TMPRSS15: variants seen among roughly 807,000 people sequenced by gnomAD.
The protein encoded by TMPRSS15 is transmembrane serine protease 15.
In TMPRSS15, 128 loss-of-function variants were observed where a neutral mutation model predicts 125.3. The observed-to-expected ratio is 1.02, with a 90% CI of 0.89 to 1.18. The LOEUF (loss-of-function observed/expected upper bound fraction) is 1.18, where lower values mean the gene tolerates loss of function less well. TMPRSS15 is among the 50% of genes most tolerant of loss of function. The probability of loss-of-function intolerance (pLI) is 0.00; values close to 1 mark genes in which losing one functional copy is unlikely to be tolerated. For missense variants in TMPRSS15, 1,283 were observed against 1,212.7 expected, an observed-to-expected ratio of 1.06 and a Z score of -0.86; for synonymous variants, 446 against 423.2, an observed-to-expected ratio of 1.05 and a Z score of -0.66.
At chr21:18,469,346 T>C (rs1978732646) in intron 1 of TMPRSS15, among the ~76,000 whole-genome samples, 1 of 152,168 alleles carries the variant, frequency 6.6e-6, no homozygotes, top group Admixed American at 6.6e-5. Context: ...ATGTGTTCCA[T>C]TTTAGAATTT....
At chr21:18,476,916 T>TA (rs1978889456) in intron 1 of TMPRSS15, among the ~76,000 whole-genome samples, 1 of 152,004 alleles carries the variant, frequency 6.6e-6, no homozygotes, top group African/African-American at 2.4e-5. Flanking sequence ...TTTTTTTTTT[T>TA]ATTCCAATAA....
intron 13 of TMPRSS15, among the ~76,000 whole-genome samples, chr21:18,332,458 G>A (rs1274149329): frequency 6.6e-6 from 1 of 151,996 alleles, no homozygotes; most frequent in Non-Finnish European, 1.5e-5. Context: ...ACTTTTTTGT[G>A]GGGTTGTTTA....
intron 18 of TMPRSS15, among the ~76,000 whole-genome samples, chr21:18,305,322 G>C (rs1261974825): frequency 6.6e-6 from 1 of 151,376 alleles, no homozygotes; most frequent in African/African-American, 2.4e-5. Context: ...CCGAGTAGCT[G>C]GGACTACAGG....
intron 1 of TMPRSS15, among the ~76,000 whole-genome samples, chr21:18,485,197 A>G (rs1316280345): frequency 6.6e-6 from 1 of 151,914 alleles, no homozygotes; most frequent in Non-Finnish European, 1.5e-5. Flanking sequence ...TTACTTTTAC[A>G]TATTTGCTTG....
intron 16 of TMPRSS15, among the ~76,000 whole-genome samples, chr21:18,323,007 TTA>T (rs2146955772): frequency 6.6e-6 from 1 of 152,334 alleles, no homozygotes; most frequent in Non-Finnish European, 1.5e-5. Flanking sequence ...TGTGTAATTA[TTA>T]TGAGTCCATA....
upstream of TMPRSS15, among the ~76,000 whole-genome samples, chr21:18,404,629 A>T (rs1485405454): frequency 6.6e-6 from 1 of 152,128 alleles, no homozygotes; most frequent in African/African-American, 2.4e-5. Flanking sequence ...AACTAAATAA[A>T]ACCGAATCTA....
Position 18,271,865 on chromosome 21 carries a change from G to A in TMPRSS15, c.2905-1741C>T, listed in dbSNP as rs1397486657. Among the ~76,000 whole-genome samples, 3 of 152,138 alleles carry A rather than the reference G, an allele frequency of 2.0e-5. No individual in the cohort carries two copies. In the East Asian group the frequency reaches 5.8e-4, roughly 29 times the overall value. On this transcript the variant is annotated intron_variant, in intron 24 of 24. Transcript: ENST00000284885. ...GTTCCTGTGTTAGTCTGCTGAGGAT[G>A]ATGGCTTCCAGCTTCATCCATGTCC...
At chr21:18,299,500 T>C (rs1240528863) in intron 18 of TMPRSS15, among the ~76,000 whole-genome samples, 1 of 152,234 alleles carries the variant, frequency 6.6e-6, no homozygotes, top group Non-Finnish European at 1.5e-5. Context: ...TAGTTGTGTT[T>C]TGCTGTCTGC....
intron 18 of TMPRSS15, among the ~76,000 whole-genome samples, chr21:18,305,726 T>C (rs1024313577): frequency 6.6e-6 from 1 of 152,242 alleles, no homozygotes; most frequent in African/African-American, 2.4e-5. Flanking sequence ...AATTATCTTA[T>C]CACTGTGCCT....
At chr21:18,475,891 T>C (rs1311952448) in intron 1 of TMPRSS15, among the ~76,000 whole-genome samples, 2 of 152,202 alleles carry the variant, frequency 1.3e-5, no homozygotes, top group Non-Finnish European at 2.9e-5. Flanking sequence ...TTTGTACAGA[T>C]TTTATTTTCT....
In TMPRSS15 at chr21:18,397,963, G is replaced by T; in HGVS notation, c.277-17C>A. 7.2e-7 allele frequency: 1 copy of T among 1,392,426 alleles called. No homozygotes were observed. The allele number at this position is 1,392,426 out of a possible 1,614,324, so 86.3% of individuals were successfully genotyped here. A position where few individuals can be genotyped will look rare whatever the true frequency, so the allele number is the denominator to read the frequency against. ...CTCATCTATCTAGAAAAATATAAAA[G>T]ATTGAATGAGTATACTAAATTTAGG... On this transcript the variant is annotated splice_polypyrimidine_tract_variant and intron_variant, in intron 2 of 24. Coordinates refer to ENST00000284885, the MANE Select transcript of TMPRSS15 (RefSeq NM_002772.3).
intron 1 of TMPRSS15, among the ~76,000 whole-genome samples, chr21:18,443,866 C>T (rs1403846655): frequency 6.6e-6 from 1 of 152,216 alleles, no homozygotes; most frequent in African/African-American, 2.4e-5. Context: ...GTGAACTCAG[C>T]CAGAGGGTGC....
intron 1 of TMPRSS15, among the ~76,000 whole-genome samples, chr21:18,449,641 C>T (rs549512189): frequency 9.2e-5 from 14 of 152,086 alleles, no homozygotes; most frequent in East Asian, 3.9e-4. Flanking sequence ...AGTGTTTAGA[C>T]GAGACCCCAG....
intron 6 of TMPRSS15, among the ~76,000 whole-genome samples, chr21:18,371,813 ATGTC>A (rs1339543095): frequency 6.6e-6 from 1 of 152,086 alleles, no homozygotes; most frequent in Non-Finnish European, 1.5e-5. Flanking sequence ...AGAAGTGAGA[ATGTC>A]TATCACAGAA....
intron 6 of TMPRSS15, among the ~76,000 whole-genome samples, chr21:18,365,708 C>CCCT (rs2075729081): frequency 1.3e-5 from 1 of 76,888 alleles, no homozygotes; most frequent in Non-Finnish European, 2.5e-5. Flanking sequence ...CCTACCTTCT[C>CCCT]TCTCTCTCTT....
chr21:18,412,519 T>C (rs1306038160), intron 1 of TMPRSS15, among the ~76,000 whole-genome samples: 1 of 152,230 alleles, frequency 6.6e-6, no homozygotes, highest in Non-Finnish European at 1.5e-5. Context: ...GCATTTCATG[T>C]TTCTGACTAT....
intron 17 of TMPRSS15, among the ~76,000 whole-genome samples, chr21:18,314,270 T>C (rs1450799999): frequency 2.0e-5 from 3 of 152,120 alleles, no homozygotes; most frequent in African/African-American, 7.2e-5. Context: ...ATGGGTAAAC[T>C]ATAGCCGATT....
At chr21:18,355,641 T>C (rs2075617897) in intron 8 of TMPRSS15, among the ~76,000 whole-genome samples, 1 of 151,954 alleles carries the variant, frequency 6.6e-6, no homozygotes, top group Non-Finnish European at 1.5e-5. Context: ...CTTGGTTCCA[T>C]GTCTTACTAG....
At chr21:18,270,828 CATATA>C (rs1452450350) in intron 24 of TMPRSS15, among the ~76,000 whole-genome samples, 1 of 152,112 alleles carries the variant, frequency 6.6e-6, no homozygotes, top group Non-Finnish European at 1.5e-5. Flanking sequence ...ATAATACAAA[CATATA>C]ATATCATTAT....
Sources: allele counts gnomAD v4.1 joint callset (sites outside exome capture counted in the v4.1 genomes callset), GRCh38; gene constraint gnomAD v4.1.1; transcripts MANE v1.5; gene names NCBI Gene and HGNC (gene_info 2026-07-23, HGNC 2026-07-21).